Variants in GJA5 observed in about 807,000 individuals in gnomAD.
GJA5 encodes gap junction alpha-5 protein.
A neutral mutation model predicts 7.9 loss-of-function variants in GJA5; 3 were observed. That is an observed-to-expected ratio of 0.38 (90% CI 0.17 to 0.99). The LOEUF (loss-of-function observed/expected upper bound fraction) is 0.99. GJA5 is among the 50% of genes least tolerant of loss of function. GJA5 has a pLI of 0.38. For missense variants in GJA5, 390 were observed against 457.9 expected, an observed-to-expected ratio of 0.85 and a Z score of 1.35; for synonymous variants, 193 against 181.0, an observed-to-expected ratio of 1.07 and a Z score of -0.53.
At chr1:147,771,073 C>T (rs73001810) in intron 1 of GJA5, among the ~76,000 whole-genome samples, 3,039 of 152,220 alleles carry the variant, frequency 0.02, 100 homozygotes, top group African/African-American at 0.07. Flanking sequence ...TCTCCCTGTC[C>T]CTGAAAACGG....
rs1664394162 is a variant in GJA5, at chr1:147,771,339, C to T, written c.-34+1913G>A. Among the ~76,000 whole-genome samples, 3 of 152,212 alleles carry T rather than the reference C, an allele frequency of 2.0e-5. No homozygotes were observed. The Middle Eastern group carries it at 0.01, about 518-fold the overall frequency. ...AGAGATGGAGGCTAGGAAAATCCAG[C>T]CGGGGGATGGACATTAGAAGAGCCC... On this transcript the variant is annotated intron_variant, in intron 1 of 1. Coordinates refer to the GJA5 transcript ENST00000430508.
rs587749792 is a variant in GJA5 at position 147,770,357 on chromosome 1, T to G, written c.-34+2895A>C. Reference sequence around the variant, plus strand: ...TGTGACTTGCCCAGTTGTGATAGCATGGCAAGTTAGTGGCAAAGCCAAGAA... The same window carrying G: ...TGTGACTTGCCCAGTTGTGATAGCAGGGCAAGTTAGTGGCAAAGCCAAGAA... On this transcript the variant is annotated intron_variant, in intron 1 of 1. Transcript: ENST00000430508. Among the ~76,000 whole-genome samples, 102 of 152,184 alleles carry G rather than the reference T, an allele frequency of 6.7e-4. 1 individual carries two copies. The highest frequency in any genetic ancestry group is 6.8e-3 in the Middle Eastern group (2 of 294).
chr1:147,767,560 G>GTT (rs1557949196), intron 1 of GJA5, among the ~76,000 whole-genome samples: 1 of 67,276 alleles, frequency 1.5e-5, no homozygotes, highest in African/African-American at 6.9e-5. Context: ...GCTAATTTTT[G>GTT]TTATTTTTTT....
At chr1:147,772,519 G>T (rs189481613) in intron 1 of GJA5, among the ~76,000 whole-genome samples, 12 of 152,252 alleles carry the variant, frequency 7.9e-5, no homozygotes, top group African/African-American at 2.6e-4. Flanking sequence ...CCCTGAGTTT[G>T]GGCTCTTTCA....
chr1:147,757,500 A>G lies in GJA5; in HGVS notation c.*662T>C, dbSNP rs1267101397. ...GGTTGCAACATCACCAAGGTGGGGC[A>G]TTTGCCAGAGGTACATACCAGGGCA... On this transcript the variant is annotated 3_prime_UTR_variant, in exon 2 of 2. Transcript: ENST00000579774. 1 of 41,494 alleles carries G rather than the reference A, an allele frequency of 2.4e-5. No individual in the cohort carries two copies. The highest frequency in any genetic ancestry group is 4.4e-5 in the Non-Finnish European group (1 of 22,622). 2.6% of individuals were successfully genotyped at this position (41,494 alleles called of 1,614,324 possible).
At chr1:147,766,799 C>G (rs782534114) in intron 1 of GJA5, among the ~76,000 whole-genome samples, 1 of 152,156 alleles carries the variant, frequency 6.6e-6, no homozygotes, top group African/African-American at 2.4e-5. Context: ...GTAATAATAA[C>G]AACCCCCTGG....
At position 147,758,483 on chromosome 1, in the gene GJA5, G is replaced by T. The variant is rs377562316; in HGVS notation, c.756C>A (p.Gly252=). ...RQHMAKCQLS[G]PSVGIVQSCT... ...AGCTCTGGACTATGCCCACAGAGGG[G>T]CCAGAAAGCTGGCACTTAGCCATGT... Residue 252 remains glycine (G), a synonymous_variant, in exon 2 of 2, where the codon GGC becomes GGA. Transcript: ENST00000579774. 3 of 1,614,164 alleles carry T rather than the reference G, an allele frequency of 1.9e-6. No homozygotes were observed. The highest frequency in any genetic ancestry group is 1.7e-6 in the Non-Finnish European group (2 of 1,180,006).
chr1:147,759,928 G>A (rs1553227201), intron 1 of GJA5, among the ~76,000 whole-genome samples: 1 of 152,094 alleles, frequency 6.6e-6, no homozygotes, highest in East Asian at 1.9e-4. Flanking sequence ...GAAAGAGTGA[G>A]GATGGGATTG....
rs1470606083 is a variant in GJA5, at chr1:147,757,104, T to A, written c.*1058A>T. The A allele has an allele frequency of 6.6e-6, 1 of 152,228 alleles. No homozygotes were observed. The highest frequency in any genetic ancestry group is 1.5e-5 in the Non-Finnish European group (1 of 68,040). 9.4% of individuals were successfully genotyped at this position (152,228 alleles called of 1,614,324 possible). ...AGGGGAAAATAGTTTTCCAGTGTTT[T>A]CTCTCCATTTTTATTTTCATCTTCA... On this transcript the variant is annotated 3_prime_UTR_variant, in exon 2 of 2. Coordinates refer to ENST00000579774, the MANE Select transcript of GJA5 (RefSeq NM_181703.4).
At chr1:147,764,361 A>G (rs1664126076), upstream of GJA5, among the ~76,000 whole-genome samples, 1 of 152,166 alleles carries the variant, frequency 6.6e-6, no homozygotes, top group Non-Finnish European at 1.5e-5. Flanking sequence ...ACATCCTCAC[A>G]CTTGGTTATA....
At chr1:147,760,200 T>A (rs1663944507) in intron 1 of GJA5, among the ~76,000 whole-genome samples, 1 of 152,130 alleles carries the variant, frequency 6.6e-6, no homozygotes, top group African/African-American at 2.4e-5. Flanking sequence ...CACACACAGA[T>A]CTGCCCACCC....
At chr1:147,772,352 G>A (rs192275478) in intron 1 of GJA5, among the ~76,000 whole-genome samples, 53 of 152,292 alleles carry the variant, frequency 3.5e-4, no homozygotes, top group Admixed American at 5.9e-4. Flanking sequence ...CCCTTTTTCA[G>A]TGGTTCTGAG....
intron 1 of GJA5, among the ~76,000 whole-genome samples, chr1:147,771,107 A>G (rs968983444): frequency 1.3e-5 from 2 of 152,070 alleles, no homozygotes; most frequent in Non-Finnish European, 2.9e-5. Flanking sequence ...TCCTGTCCTG[A>G]TTGATCCACA....
At chr1:147,765,796 G>A (rs1241911038) in intron 1 of GJA5, among the ~76,000 whole-genome samples, 1 of 152,102 alleles carries the variant, frequency 6.6e-6, no homozygotes, top group East Asian at 1.9e-4. Flanking sequence ...TGGGGTTGGG[G>A]ATGTAAAGGA....
Position 147,757,980 on chromosome 1 carries a change from C to G in GJA5, c.*182G>C. On this transcript the variant is annotated 3_prime_UTR_variant, in exon 2 of 2. Transcript: ENST00000579774. ...CTGCAGTCTGGGTGGGTTGTCACCTCTCTTACTATCCCAGAGCCCTGGTTA... is the reference window on the plus strand; with the variant it reads ...CTGCAGTCTGGGTGGGTTGTCACCTGTCTTACTATCCCAGAGCCCTGGTTA... 1 of 618,774 alleles carries G rather than the reference C, an allele frequency of 1.6e-6. No individual in the cohort carries two copies. Among genetic ancestry groups the G allele is most frequent in the Non-Finnish European group, 2.9e-6 (1 of 348,478 alleles). The allele number at this position is 618,774 out of a possible 1,614,324, so 38.3% of individuals were successfully genotyped here.
Position 147,758,986 on chromosome 1 carries a change from C to A in GJA5, c.253G>T (p.Val85Phe), listed in dbSNP as rs387906613. Residue 85 changes from valine to phenylalanine, a missense_variant, in exon 2 of 2, where the codon GTC (valine) becomes TTC (phenylalanine). Transcript: ENST00000579774. ...IRYWVLQIIFVSTPSLVYMGH... is the reference protein window; with the variant it reads ...IRYWVLQIIFFSTPSLVYMGH... ...ATGTACACCAGAGAGGGCGTGGAGA[C>A]GAAGATGATCTGCAGCACCCAGTAG... 3 of 1,614,164 alleles carry A rather than the reference C, an allele frequency of 1.9e-6. No homozygotes were observed. The South Asian group carries it at 3.3e-5, about 18-fold the overall frequency.
In GJA5 at chr1:147,758,465, G is replaced by C. The variant is rs1553226865; in HGVS notation, c.774C>G (p.Val258=). The part of the protein sequence containing the change: ...CQLSGPSVGI[V]QSCTPPPDFN... ...AGTCGGGGGGTGGTGTGCAGCTCTG[G>C]ACTATGCCCACAGAGGGGCCAGAAA... Residue 258 remains valine, a synonymous_variant, in exon 2 of 2, where the codon GTC becomes GTG. Transcript: ENST00000579774. The C allele has an allele frequency of 1.2e-6, 2 of 1,614,092 alleles. No individual in the cohort carries two copies. The highest frequency in any genetic ancestry group is 3.3e-5 in the Admixed American group (2 of 60,008).
At chr1:147,759,981 C>A (rs1330885310) in intron 1 of GJA5, among the ~76,000 whole-genome samples, 1 of 152,120 alleles carries the variant, frequency 6.6e-6, no homozygotes, top group Admixed American at 6.5e-5. Flanking sequence ...AAATCAGAAC[C>A]ATCCAGCATG....
chr1:147,758,557 G>A lies in GJA5; in HGVS notation c.682C>T (p.His228Tyr), dbSNP rs1553226905. The change falls in exon 2 of 2, where the codon CAC (histidine) becomes TAC (tyrosine). Residue 228 changes from histidine (H) to tyrosine (Y), a missense_variant. His to Tyr is a moderately conservative substitution (Grantham distance 83, BLOSUM62 2). This residue lies in a region of GJA5 where 354 missense variants were observed against 370.9 expected (regional missense o/e 0.95). Coordinates refer to ENST00000579774, the MANE Select transcript of GJA5 (RefSeq NM_181703.4). The stretch of plus-strand genomic sequence containing the variant: ...TGTCTGATCTTCTTCCAGCCCAGGT[G>A]GTAGAGTTCAGCCAGGCTAAGGAGG... ...SLLLSLAELY[H>Y]LGWKKIRQRF... is the part of the protein sequence containing the mutation. 8.7e-6 allele frequency: 14 copies of A among 1,613,586 alleles called. No homozygotes were observed. Among genetic ancestry groups the A allele is most frequent in the Non-Finnish European group, 1.2e-5 (14 of 1,179,530 alleles).
Sources: gnomAD v4.1 joint callset for allele counts (sites outside exome capture counted in the v4.1 genomes callset) on GRCh38, gnomAD v4.1.1 for gene constraint, gnomAD v4.1.1 regional missense constraint, MANE v1.5 for transcripts, NCBI Gene and HGNC (gene_info 2026-07-23, HGNC 2026-07-21) for gene names.